The following MSRA variants were observed in gnomAD, a reference collection of about 807,000 sequenced individuals.
The protein encoded by MSRA is mitochondrial peptide methionine sulfoxide reductase.
Under a neutral mutation model 31.3 loss-of-function variants are expected in MSRA, and 54 were observed. The observed-to-expected ratio is 1.73, with a 90% CI of 1.39 to 2.17. MSRA has a LOEUF of 2.17. Among genes scored for constraint, MSRA ranks in the 30% most tolerant of loss-of-function variants. MSRA has a pLI of 0.00. For synonymous variants in MSRA, 169 were observed against 116.5 expected, an observed-to-expected ratio of 1.45 and a Z score of -2.90; for missense variants, 507 against 300.9, an observed-to-expected ratio of 1.69 and a Z score of -5.07.
chr8:10,303,515 A>C (rs1037495189), intron 4 of MSRA, among the ~76,000 whole-genome samples: 2 of 152,178 alleles, frequency 1.3e-5, no homozygotes, highest in Non-Finnish European at 2.9e-5. Context: ...CATAGGTGGT[A>C]ATATGGAGAC....
chr8:10,423,879 G>A (rs1410875494), intron 5 of MSRA, among the ~76,000 whole-genome samples: 1 of 152,172 alleles, frequency 6.6e-6, no homozygotes, highest in Non-Finnish European at 1.5e-5. Context: ...AGAATCTCCA[G>A]GAGATCCCAA....
chr8:10,104,955 C>T (rs777782819), intron 1 of MSRA, among the ~76,000 whole-genome samples: 3 of 152,120 alleles, frequency 2.0e-5, no homozygotes, highest in Non-Finnish European at 4.4e-5. Context: ...GTTGGTAGTA[C>T]CAGACTTTAA....
chr8:10,367,268 CAGAA>C (rs1330704512), intron 5 of MSRA, among the ~76,000 whole-genome samples: 14 of 152,130 alleles, frequency 9.2e-5, no homozygotes, highest in Admixed American at 2.6e-4. Flanking sequence ...TATTTTGAGA[CAGAA>C]AGAGAGACCA....
At chr8:10,377,150 C>A (rs1176001614) in intron 5 of MSRA, among the ~76,000 whole-genome samples, 1 of 152,234 alleles carries the variant, frequency 6.6e-6, no homozygotes, top group South Asian at 2.1e-4. Flanking sequence ...ACGTAATGAT[C>A]GCGAGTTTTT....
intron 1 of MSRA, among the ~76,000 whole-genome samples, chr8:10,203,016 C>T (rs371115216): frequency 5.1e-4 from 78 of 151,934 alleles, no homozygotes; most frequent in African/African-American, 1.4e-3. Flanking sequence ...GTTGTGCCTG[C>T]GGTCCACAGG....
intron 1 of MSRA, among the ~76,000 whole-genome samples, chr8:10,198,584 G>A (rs1808200420): frequency 6.6e-6 from 1 of 152,098 alleles, no homozygotes; most frequent in African/African-American, 2.4e-5. Flanking sequence ...ATTTATAATT[G>A]CAGTGACTAG....
intron 5 of MSRA, among the ~76,000 whole-genome samples, chr8:10,363,228 G>C (rs994726853): frequency 3.3e-5 from 5 of 152,184 alleles, no homozygotes; most frequent in African/African-American, 1.2e-4. Context: ...TCCTGATCCA[G>C]CTCCTTCTCA....
chr8:10,309,112 A>T (rs979327704), intron 4 of MSRA, among the ~76,000 whole-genome samples: 7 of 152,208 alleles, frequency 4.6e-5, no homozygotes, highest in African/African-American at 1.4e-4. Flanking sequence ...CCTCACCCCC[A>T]TGAACTTCTG....
chr8:10,364,561 A>C (rs1485358073), intron 5 of MSRA, among the ~76,000 whole-genome samples: 1 of 152,236 alleles, frequency 6.6e-6, no homozygotes, highest in East Asian at 1.9e-4. Flanking sequence ...CTCATACACC[A>C]AAAAATATCA....
chr8:10,343,703 A>G (rs940784835), intron 5 of MSRA, among the ~76,000 whole-genome samples: 4 of 152,206 alleles, frequency 2.6e-5, no homozygotes, highest in African/African-American at 9.6e-5. Context: ...ACACAAGTCA[A>G]TAGATTTCTG....
At chr8:10,270,086 C>G (rs2129099634) in intron 3 of MSRA, among the ~76,000 whole-genome samples, 1 of 152,308 alleles carries the variant, frequency 6.6e-6, no homozygotes, top group East Asian at 1.9e-4. Flanking sequence ...TTTGTAGTTG[C>G]TATAGAATGA....
At chr8:10,267,357 G>C (rs894956533) in intron 3 of MSRA, among the ~76,000 whole-genome samples, 6 of 152,198 alleles carry the variant, frequency 3.9e-5, no homozygotes, top group African/African-American at 1.4e-4. Context: ...TGGCTGGGGA[G>C]AGCAACTCGT....
chr8:10,255,770 C>T (rs558526677), intron 3 of MSRA, among the ~76,000 whole-genome samples: 2 of 147,834 alleles, frequency 1.4e-5, no homozygotes, highest in South Asian at 4.3e-4. Context: ...GGGCGGTGGG[C>T]AGTGTGGGGG....
intron 5 of MSRA, among the ~76,000 whole-genome samples, chr8:10,402,835 A>G (rs1005957714): frequency 6.6e-6 from 1 of 152,212 alleles, no homozygotes; most frequent in Non-Finnish European, 1.5e-5. Context: ...TTGAGATTTA[A>G]GCACAAAATT....
chr8:10,222,139 G>A (rs987135581), intron 2 of MSRA, among the ~76,000 whole-genome samples: 6 of 151,916 alleles, frequency 3.9e-5, no homozygotes, highest in Admixed American at 3.9e-4. Flanking sequence ...TTAGGTTGGT[G>A]AGAGATGCAG....
chr8:10,191,702 A>C (rs1807523530), intron 1 of MSRA, among the ~76,000 whole-genome samples: 1 of 152,182 alleles, frequency 6.6e-6, no homozygotes, highest in South Asian at 2.1e-4. Flanking sequence ...TCGATTTGTA[A>C]ATCAGTTAGA....
chr8:10,373,255 G>A (rs1384041107), intron 5 of MSRA, among the ~76,000 whole-genome samples: 1 of 152,186 alleles, frequency 6.6e-6, no homozygotes, highest in East Asian at 1.9e-4. Flanking sequence ...AATAGGTACT[G>A]TTTTTACTGA....
intron 1 of MSRA, among the ~76,000 whole-genome samples, chr8:10,115,388 G>C (rs934055818): frequency 5.9e-5 from 9 of 152,204 alleles, no homozygotes; most frequent in Non-Finnish European, 1.2e-4. Flanking sequence ...GGAACAGTAA[G>C]AATGGCAGGG....
chr8:10,278,064 G>C (rs576239120), intron 3 of MSRA, among the ~76,000 whole-genome samples: 1 of 152,058 alleles, frequency 6.6e-6, no homozygotes, highest in Non-Finnish European at 1.5e-5. Context: ...GATGCTCGCT[G>C]TCTTGTTAAA....
Sources: gnomAD v4.1 joint callset for allele counts (sites outside exome capture counted in the v4.1 genomes callset) on GRCh38, gnomAD v4.1.1 for gene constraint, MANE v1.5 for transcripts, NCBI Gene and HGNC (gene_info 2026-07-23, HGNC 2026-07-21) for gene names.